The following UVRAG variants were observed in gnomAD, a reference collection of about 807,000 sequenced individuals.
The protein encoded by UVRAG is UV radiation resistance associated, also known as UV radiation resistance-associated gene protein.
A neutral mutation model predicts 78.0 loss-of-function variants in UVRAG; 19 were observed. That is an observed-to-expected ratio of 0.24 (90% CI 0.17 to 0.36). UVRAG has a LOEUF of 0.36. Among genes scored for constraint, UVRAG ranks in the 10% least tolerant of loss-of-function variants. The pLI is 1.00. For synonymous variants in UVRAG, 323 were observed against 324.6 expected (o/e 1.00, Z 0.05); for missense variants, 740 against 853.8 (o/e 0.87, Z 1.66).
rs574716018 is a variant in UVRAG, at chr11:75,944,029, C to T, written c.594-17415C>T. ...TATTAGGCATTTAAAGTCTATAGCA[C>T]TGTAGCTCTGATCAACCTTTCCAGC... On this transcript the variant is annotated intron_variant, in intron 6 of 14. Coordinates refer to ENST00000356136, the MANE Select transcript of UVRAG (RefSeq NM_003369.4). Among the ~76,000 whole-genome samples the T allele has an allele frequency of 5.3e-4, 80 of 152,296 alleles. 1 individual carries two copies. In the South Asian group the frequency reaches 0.012, roughly 22 times the overall value.
chr11:75,901,579 C>T (rs540074965), intron 5 of UVRAG, among the ~76,000 whole-genome samples: 1 of 151,920 alleles, frequency 6.6e-6, no homozygotes, highest in East Asian at 1.9e-4. Flanking sequence ...CACAATCCAT[C>T]TACTTTCTCA....
At chr11:75,866,725 CAT>C (rs1946547986) in intron 3 of UVRAG, among the ~76,000 whole-genome samples, 1 of 152,066 alleles carries the variant, frequency 6.6e-6, no homozygotes, top group African/African-American at 2.4e-5. Context: ...TTTTAATCTC[CAT>C]AGTCATTGTA....
At position 75,938,098 on chromosome 11, in the gene UVRAG, C is replaced by T. The variant is rs866936834; in HGVS notation, c.594-23346C>T. The stretch of plus-strand genomic sequence containing the variant: ...GTATATGTATATACACACACACACA[C>T]ATATATATATTTTTCTCATTTCAGA... On this transcript the variant is annotated intron_variant, in intron 6 of 14. Coordinates refer to ENST00000356136, the MANE Select transcript of UVRAG (RefSeq NM_003369.4). Among the ~76,000 whole-genome samples the T allele has an allele frequency of 9.9e-5, 15 of 151,384 alleles. No homozygotes were observed. The South Asian group carries it at 3.1e-3, about 32-fold the overall frequency.
At chr11:76,058,492 C>T (rs905390662) in intron 12 of UVRAG, among the ~76,000 whole-genome samples, 1 of 149,240 alleles carries the variant, frequency 6.7e-6, no homozygotes, top group African/African-American at 2.5e-5. Context: ...CATGATCATG[C>T]CACTGCACTC....
chr11:75,871,446 A>G (rs1946649305), intron 3 of UVRAG, among the ~76,000 whole-genome samples: 1 of 150,226 alleles, frequency 6.7e-6, no homozygotes. Flanking sequence ...TACCAGGCTA[A>G]TTTTTTTTTG....
chr11:75,939,875 A>G (rs1232160338), intron 6 of UVRAG, among the ~76,000 whole-genome samples: 1 of 152,198 alleles, frequency 6.6e-6, no homozygotes, highest in Non-Finnish European at 1.5e-5. Flanking sequence ...TTAAAACTGC[A>G]ACAAAACTGC....
intron 7 of UVRAG, among the ~76,000 whole-genome samples, chr11:75,982,753 G>T (rs1456831001): frequency 6.6e-6 from 1 of 152,200 alleles, no homozygotes; most frequent in East Asian, 1.9e-4. Context: ...AAATGGAGCC[G>T]TATAGTGTGT....
intron 3 of UVRAG, among the ~76,000 whole-genome samples, chr11:75,876,946 T>TAA (rs1946795322): frequency 6.6e-6 from 1 of 151,564 alleles, no homozygotes; most frequent in African/African-American, 2.4e-5. Flanking sequence ...GGTCAGCAGA[T>TAA]AAACAAGTGA....
intron 12 of UVRAG, among the ~76,000 whole-genome samples, chr11:76,034,551 A>G (rs1039228765): frequency 6.6e-6 from 1 of 152,084 alleles, no homozygotes; most frequent in African/African-American, 2.4e-5. Context: ...AGTCTAGGAT[A>G]TATGTTTCTC....
chr11:75,909,276 G>C (rs967258868), intron 5 of UVRAG, among the ~76,000 whole-genome samples: 1 of 152,096 alleles, frequency 6.6e-6, no homozygotes. Context: ...GAACCCAGGA[G>C]TTCAAAGTCA....
At chr11:75,823,581 C>T (rs1031562606) in intron 1 of UVRAG, among the ~76,000 whole-genome samples, 19 of 152,290 alleles carry the variant, frequency 1.2e-4, no homozygotes, top group South Asian at 4.1e-4. Context: ...GCAATCCTCC[C>T]GCCTTGGCCT....
At chr11:75,906,166 G>A (rs1947610179) in intron 5 of UVRAG, among the ~76,000 whole-genome samples, 1 of 152,000 alleles carries the variant, frequency 6.6e-6, no homozygotes, top group South Asian at 2.1e-4. Context: ...CTACTTAATT[G>A]ATAGTGTCCT....
intron 9 of UVRAG, among the ~76,000 whole-genome samples, chr11:76,004,909 A>C (rs1949899584): frequency 6.6e-6 from 1 of 152,230 alleles, no homozygotes; most frequent in Non-Finnish European, 1.5e-5. Flanking sequence ...AACAAATGCC[A>C]ATAGTTTTTC....
intron 3 of UVRAG, among the ~76,000 whole-genome samples, chr11:75,862,932 A>AG (rs1946454402): frequency 1.3e-5 from 2 of 152,322 alleles, no homozygotes; most frequent in South Asian, 4.1e-4. Flanking sequence ...AGGGTTATCA[A>AG]TGATGTGTTG....
intron 6 of UVRAG, among the ~76,000 whole-genome samples, chr11:75,918,577 G>C (rs1947910747): frequency 6.6e-6 from 1 of 151,986 alleles, no homozygotes; most frequent in Admixed American, 6.5e-5. Context: ...TATCATTTAT[G>C]GAGTGCTTAC....
At chr11:75,899,688 C>T (rs956854935) in intron 5 of UVRAG, among the ~76,000 whole-genome samples, 1 of 152,206 alleles carries the variant, frequency 6.6e-6, no homozygotes, top group African/African-American at 2.4e-5. Flanking sequence ...TCACATTAAC[C>T]AGCACAAAGC....
At chr11:75,879,840 T>TA in intron 3 of UVRAG, 39 bp from the exon 4 acceptor site, 1 of 1,595,568 alleles carries the variant, frequency 6.3e-7, no homozygotes. Context: ...CGTAAACAAA[T>TA]AGAGTTGTCC....
rs143108954 is a variant in UVRAG at position 76,003,550 on chromosome 11, C to T, written c.827-455C>T. Among the ~76,000 whole-genome samples the T allele has an allele frequency of 2.7e-3, 412 of 151,946 alleles. 3 individuals carry two copies. In the East Asian group the frequency reaches 0.039, roughly 14 times the overall value. On this transcript the variant is annotated intron_variant, in intron 8 of 14. Transcript: ENST00000356136. ...ATAATGATATTTATGAGGAAGATGA[C>T]GGTTCATAAAAACTCCTTTATTTAT... is the stretch of plus-strand genomic sequence containing the variant.
At chr11:76,120,839 G>C (rs550822034) in intron 14 of UVRAG, among the ~76,000 whole-genome samples, 1 of 152,198 alleles carries the variant, frequency 6.6e-6, no homozygotes, top group Non-Finnish European at 1.5e-5. Context: ...GAGAGCAGCC[G>C]TGGAGTGAGG....
Sources: allele counts gnomAD v4.1 joint callset (sites outside exome capture counted in the v4.1 genomes callset), GRCh38; gene constraint gnomAD v4.1.1; transcripts MANE v1.5; gene names NCBI Gene and HGNC (gene_info 2026-07-23, HGNC 2026-07-21).